The following BMPR1B variants were observed in gnomAD, a reference collection of about 807,000 sequenced individuals.
The protein encoded by BMPR1B is bone morphogenetic protein receptor type 1B, also known as bone morphogenetic protein receptor type-1B.
In BMPR1B, 12 loss-of-function variants were observed where a neutral mutation model predicts 59.1. The ratio of observed to expected loss-of-function variants is 0.20; its 90% CI spans 0.13 to 0.33. The LOEUF (loss-of-function observed/expected upper bound fraction) is 0.33, where lower values mean the gene tolerates loss of function less well. Among genes scored for constraint, BMPR1B ranks in the 10% least tolerant of loss-of-function variants. The pLI is 1.00. For missense variants in BMPR1B, 550 were observed against 610.9 expected (o/e 0.90, Z 1.05); for synonymous variants, 237 against 207.3 (o/e 1.14, Z -1.23).
intron 2 of BMPR1B, among the ~76,000 whole-genome samples, chr4:94,920,626 G>GC (rs560037052): frequency 5.3e-4 from 80 of 152,278 alleles, no homozygotes; most frequent in African/African-American, 1.8e-3. Context: ...CACACCAAGA[G>GC]CGAGTACTAA....
At chr4:94,952,802 C>A (rs1444479196) in intron 2 of BMPR1B, among the ~76,000 whole-genome samples, 1 of 152,062 alleles carries the variant, frequency 6.6e-6, no homozygotes, top group Non-Finnish European at 1.5e-5. Flanking sequence ...GAGTTCAAGT[C>A]CTGAATATCC....
chr4:94,932,445 G>T (rs373101802), intron 2 of BMPR1B, among the ~76,000 whole-genome samples: 8 of 152,196 alleles, frequency 5.3e-5, no homozygotes, highest in African/African-American at 1.9e-4. Flanking sequence ...CTTTAAAAAA[G>T]TTGGCAATGT....
At chr4:94,814,771 A>G (rs1484511741) in intron 1 of BMPR1B, among the ~76,000 whole-genome samples, 1 of 152,206 alleles carries the variant, frequency 6.6e-6, no homozygotes, top group Non-Finnish European at 1.5e-5. Context: ...TGTACTGTAT[A>G]ATTTCAAACT....
chr4:95,105,792 T>C (rs780686519), intron 4 of BMPR1B, among the ~76,000 whole-genome samples: 3 of 152,044 alleles, frequency 2.0e-5, no homozygotes, highest in Non-Finnish European at 4.4e-5. Context: ...GCTCAGTTTT[T>C]TCCAGGGAAA....
At chr4:94,855,197 C>G (rs1433527467) in intron 1 of BMPR1B, among the ~76,000 whole-genome samples, 1 of 152,094 alleles carries the variant, frequency 6.6e-6, no homozygotes, top group Non-Finnish European at 1.5e-5. Flanking sequence ...GATAAGAACA[C>G]CAAACATTTA....
At chr4:95,097,523 A>G (rs1198240123) in intron 3 of BMPR1B, among the ~76,000 whole-genome samples, 4 of 151,972 alleles carry the variant, frequency 2.6e-5, no homozygotes, top group Non-Finnish European at 4.4e-5. Context: ...ACTATTCACT[A>G]TTTGACTTTC....
At chr4:94,817,263 G>A (rs1001547436) in intron 1 of BMPR1B, among the ~76,000 whole-genome samples, 6 of 152,146 alleles carry the variant, frequency 3.9e-5, no homozygotes, top group African/African-American at 1.4e-4. Context: ...ATGGACTGAG[G>A]CAAATAGTAA....
chr4:94,845,842 A>T (rs1560512771), intron 1 of BMPR1B, among the ~76,000 whole-genome samples: 1 of 152,244 alleles, frequency 6.6e-6, no homozygotes, highest in Non-Finnish European at 1.5e-5. Flanking sequence ...TTAAGAAGAA[A>T]TAGCCAGAAA....
chr4:95,002,421 A>C (rs1722515894), intron 3 of BMPR1B, among the ~76,000 whole-genome samples: 1 of 152,154 alleles, frequency 6.6e-6, no homozygotes, highest in African/African-American at 2.4e-5. Context: ...TGCTATTGTG[A>C]ATAGTGCTGT....
At chr4:94,791,638 G>A (rs1307392005) in intron 1 of BMPR1B, among the ~76,000 whole-genome samples, 2 of 151,942 alleles carry the variant, frequency 1.3e-5, no homozygotes, top group Non-Finnish European at 2.9e-5. Context: ...AAATAAAATG[G>A]ATTTAATTCT....
intron 1 of BMPR1B, among the ~76,000 whole-genome samples, chr4:94,793,800 G>A (rs1397992160): frequency 5.3e-5 from 8 of 150,212 alleles, no homozygotes; most frequent in Admixed American, 2.6e-4. Flanking sequence ...GTGTTTTTTG[G>A]CTGCATAAAT....
chr4:95,062,260 G>A (rs901645199), intron 3 of BMPR1B, among the ~76,000 whole-genome samples: 1 of 152,008 alleles, frequency 6.6e-6, no homozygotes, highest in African/African-American at 2.4e-5. Context: ...AAATGTCAGT[G>A]TATGAAAAAA....
intron 2 of BMPR1B, among the ~76,000 whole-genome samples, chr4:94,965,967 G>A (rs974085452): frequency 3.9e-5 from 6 of 152,142 alleles, no homozygotes; most frequent in Admixed American, 3.3e-4. Flanking sequence ...GAAAGCATTA[G>A]CCAGGAGAGC....
chr4:94,943,156 T>C (rs1247776341), intron 2 of BMPR1B, among the ~76,000 whole-genome samples: 1 of 152,080 alleles, frequency 6.6e-6, no homozygotes, highest in Non-Finnish European at 1.5e-5. Flanking sequence ...TTTTTTTTTT[T>C]TTGAGACAGA....
chr4:95,104,710 T>G, intron 4 of BMPR1B, 143 bp downstream of exon 4: 1 of 1,106,414 alleles, frequency 9.0e-7, no homozygotes. Context: ...TGTGCTTGTA[T>G]TAGAGAAATA....
intron 1 of BMPR1B, among the ~76,000 whole-genome samples, chr4:94,853,712 T>C (rs1578722753): frequency 6.6e-6 from 1 of 152,238 alleles, no homozygotes; most frequent in African/African-American, 2.4e-5. Context: ...GCCATCAGAC[T>C]TCAGACACTC....
intron 1 of BMPR1B, among the ~76,000 whole-genome samples, chr4:94,770,418 C>G (rs759989229): frequency 3.9e-5 from 6 of 151,938 alleles, no homozygotes; most frequent in Non-Finnish European, 8.8e-5. Flanking sequence ...TGACTTCTAG[C>G]TCCTTTTCAT....
intron 1 of BMPR1B, among the ~76,000 whole-genome samples, chr4:94,850,197 G>T (rs1725514222): frequency 6.6e-6 from 1 of 151,940 alleles, no homozygotes; most frequent in African/African-American, 2.4e-5. Context: ...CAGAGCAGGG[G>T]CTCTTCCTTT....
intron 2 of BMPR1B, among the ~76,000 whole-genome samples, chr4:94,880,021 A>G (rs1726896963): frequency 6.6e-6 from 1 of 152,124 alleles, no homozygotes; most frequent in Non-Finnish European, 1.5e-5. Context: ...AAATATTTTT[A>G]TGGAACATCT....
Sources: gnomAD v4.1 joint callset for allele counts (sites outside exome capture counted in the v4.1 genomes callset) on GRCh38, gnomAD v4.1.1 for gene constraint, MANE v1.5 for transcripts, NCBI Gene and HGNC (gene_info 2026-07-23, HGNC 2026-07-21) for gene names.